The following CCDC192 variants were observed in gnomAD, a reference collection of about 807,000 sequenced individuals.
CCDC192 encodes the protein coiled-coil domain-containing protein 192.
chr5:127,821,264 C>A (rs1432180052), intron 5 of CCDC192, among the ~76,000 whole-genome samples: 1 of 152,192 alleles, frequency 6.6e-6, no homozygotes, highest in African/African-American at 2.4e-5. Flanking sequence ...GAAATTTTAA[C>A]AACTGGCTTT....
chr5:127,853,439 A>G (rs372475037), intron 5 of CCDC192, among the ~76,000 whole-genome samples: 345 of 152,246 alleles, frequency 2.3e-3, no homozygotes, highest in African/African-American at 8.0e-3. Context: ...CACAATTTTT[A>G]TAGATAATAC....
intron 6 of CCDC192, among the ~76,000 whole-genome samples, chr5:127,889,215 C>T (rs567962255): frequency 6.6e-6 from 1 of 152,110 alleles, no homozygotes; most frequent in Non-Finnish European, 1.5e-5. Flanking sequence ...TATAAAAAAG[C>T]TTTCATCCTT....
At chr5:127,888,137 C>T (rs115054719) in intron 6 of CCDC192, among the ~76,000 whole-genome samples, 7,971 of 151,370 alleles carry the variant, frequency 0.053, 529 homozygotes, top group East Asian at 0.3. Context: ...TCAGGACAGC[C>T]GGGTGCAGTG....
intron 3 of CCDC192, among the ~76,000 whole-genome samples, chr5:127,774,477 C>T (rs1047792999): frequency 2.0e-5 from 3 of 152,188 alleles, no homozygotes; most frequent in African/African-American, 7.2e-5. Flanking sequence ...TGTTGGTTAT[C>T]CATTTGTGCC....
chr5:127,937,597 G>C (rs13160751), intron 6 of CCDC192, among the ~76,000 whole-genome samples: 109,369 of 152,164 alleles, frequency 0.72, 41,612 homozygotes, highest in East Asian at 0.96. Flanking sequence ...CTATAAAAAA[G>C]TTTCTTGTTT....
intron 6 of CCDC192, among the ~76,000 whole-genome samples, chr5:127,882,159 C>T (rs1184240487): frequency 6.6e-6 from 1 of 152,196 alleles, no homozygotes; most frequent in African/African-American, 2.4e-5. Flanking sequence ...ATCGAGCCAG[C>T]TACACTTTTG....
intron 6 of CCDC192, among the ~76,000 whole-genome samples, chr5:127,895,831 C>A (rs1401053554): frequency 1.3e-5 from 2 of 150,702 alleles, no homozygotes; most frequent in Non-Finnish European, 2.9e-5. Context: ...ACAGCCGTAC[C>A]CTGTCTCAAA....
At chr5:127,800,402 C>CAAAAAAAA (rs772597286) in intron 5 of CCDC192, among the ~76,000 whole-genome samples, 5 of 88,288 alleles carry the variant, frequency 5.7e-5, no homozygotes, top group Non-Finnish European at 7.9e-5. Flanking sequence ...AAAAAAAAAA[C>CAAAAAAAA]AACAACAACA....
intron 3 of CCDC192, among the ~76,000 whole-genome samples, chr5:127,762,736 G>A (rs964969905): frequency 6.6e-6 from 1 of 152,184 alleles, no homozygotes; most frequent in Admixed American, 6.6e-5. Context: ...CATGCCTTAA[G>A]AGTCATGGCT....
intron 5 of CCDC192, chr5:127,857,651 C>G (rs1475430949): frequency 6.6e-6 from 1 of 152,120 alleles, no homozygotes; most frequent in African/African-American, 2.4e-5. Flanking sequence ...AGCTGTAGGG[C>G]TGGCTGGTAA....
intron 5 of CCDC192, among the ~76,000 whole-genome samples, chr5:127,840,064 A>G (rs1750215262): frequency 6.6e-6 from 1 of 152,220 alleles, no homozygotes. Context: ...GATGGCTAGC[A>G]AAGACCCTGA....
intron 6 of CCDC192, among the ~76,000 whole-genome samples, chr5:127,885,602 G>T (rs770015725): frequency 1.3e-5 from 2 of 152,176 alleles, no homozygotes; most frequent in African/African-American, 2.4e-5. Flanking sequence ...TAAGGATAGA[G>T]ATTAGCTACA....
At chr5:127,825,329 G>A (rs1313462780) in intron 5 of CCDC192, among the ~76,000 whole-genome samples, 1 of 152,144 alleles carries the variant, frequency 6.6e-6, no homozygotes, top group East Asian at 1.9e-4. Context: ...ATGACTTAGA[G>A]CTAAAACTCT....
At chr5:127,785,114 T>G (rs1405447772) in intron 3 of CCDC192, 1 of 520,110 alleles carries the variant, frequency 1.9e-6, no homozygotes, top group Non-Finnish European at 3.9e-6. Context: ...TGAAGCAGGA[T>G]TGCCGTCTGG....
At chr5:127,805,608 C>T (rs992329292) in intron 5 of CCDC192, among the ~76,000 whole-genome samples, 3 of 152,130 alleles carry the variant, frequency 2.0e-5, no homozygotes, top group Admixed American at 6.5e-5. Context: ...AATTCCTTTC[C>T]TGCGGGCCAT....
chr5:127,865,152 A>AAAAAAAT (rs1751553865), intron 5 of CCDC192, among the ~76,000 whole-genome samples: 1 of 152,248 alleles, frequency 6.6e-6, no homozygotes, highest in Non-Finnish European at 1.5e-5. Flanking sequence ...GACTCAAATT[A>AAAAAAAT]AAAAAATAAA....
chr5:127,743,986 CG>C (rs368152578), intron 2 of CCDC192, among the ~76,000 whole-genome samples: 39 of 148,126 alleles, frequency 2.6e-4, no homozygotes, highest in African/African-American at 9.7e-4. Context: ...CCCAGCTACT[CG>C]GGAGGCTGAG....
chr5:127,821,642 A>G (rs952066628), intron 5 of CCDC192, among the ~76,000 whole-genome samples: 15 of 152,244 alleles, frequency 9.9e-5, no homozygotes, highest in African/African-American at 9.6e-5. Flanking sequence ...AGCCCAGCTC[A>G]GAACCTATTG....
intron 6 of CCDC192, among the ~76,000 whole-genome samples, chr5:127,929,230 C>T (rs1343337227): frequency 6.6e-6 from 1 of 152,182 alleles, no homozygotes. Context: ...TGTGAACCTG[C>T]CGCTGCTGTA....
Sources: gnomAD v4.1 joint callset for allele counts (sites outside exome capture counted in the v4.1 genomes callset) on GRCh38, gnomAD v4.1.1 for gene constraint, MANE v1.5 for transcripts, NCBI Gene and HGNC (gene_info 2026-07-23, HGNC 2026-07-21) for gene names.